CNTN5: variants seen among roughly 807,000 people sequenced by gnomAD.
CNTN5 encodes the protein contactin-5.
Under a neutral mutation model 129.1 loss-of-function variants are expected in CNTN5, and 77 were observed. The observed-to-expected ratio is 0.60, with a 90% CI of 0.50 to 0.72. The LOEUF is 0.72. Among genes scored for constraint, CNTN5 ranks in the 30% least tolerant of loss-of-function variants. The pLI, the probability that CNTN5 is intolerant of heterozygous loss-of-function variation, is 0.00. For synonymous variants in CNTN5, 509 were observed against 465.6 expected (o/e 1.09, Z -1.20); for missense variants, 1,478 against 1,328.8 (o/e 1.11, Z -1.75).
At chr11:99,394,471 T>C (rs1189344597) in intron 2 of CNTN5, among the ~76,000 whole-genome samples, 1 of 151,592 alleles carries the variant, frequency 6.6e-6, no homozygotes, top group Non-Finnish European at 1.5e-5. Flanking sequence ...TCAACTTATA[T>C]GCTAGCTTTT....
chr11:99,181,471 G>A (rs1027750405), intron 1 of CNTN5, among the ~76,000 whole-genome samples: 2 of 152,158 alleles, frequency 1.3e-5, no homozygotes, highest in Non-Finnish European at 2.9e-5. Flanking sequence ...TAGCAGGGAT[G>A]ATTCTCCAAG....
At chr11:99,570,955 C>A (rs1217538799) in intron 3 of CNTN5, among the ~76,000 whole-genome samples, 4 of 151,942 alleles carry the variant, frequency 2.6e-5, no homozygotes, top group African/African-American at 9.7e-5. Flanking sequence ...TCAAAACCCT[C>A]AAAAGGAAAC....
chr11:99,407,204 C>G (rs910861886), intron 2 of CNTN5, among the ~76,000 whole-genome samples: 3 of 150,206 alleles, frequency 2.0e-5, no homozygotes, highest in Non-Finnish European at 4.4e-5. Context: ...ATGAAAAGCC[C>G]TAAACATAGT....
intron 1 of CNTN5, among the ~76,000 whole-genome samples, chr11:99,044,103 A>G (rs941297918): frequency 5.3e-5 from 8 of 152,192 alleles, no homozygotes; most frequent in Admixed American, 4.6e-4. Flanking sequence ...AAGAACATGA[A>G]GTAACAATCA....
intron 6 of CNTN5, among the ~76,000 whole-genome samples, chr11:99,859,220 A>G (rs1202506834): frequency 2.0e-5 from 3 of 152,234 alleles, no homozygotes; most frequent in Non-Finnish European, 4.4e-5. Context: ...TTGAGATCAG[A>G]CTATTGAACT....
intron 1 of CNTN5, among the ~76,000 whole-genome samples, chr11:99,086,855 A>G (rs1206508360): frequency 6.6e-6 from 1 of 152,140 alleles, no homozygotes; most frequent in Non-Finnish European, 1.5e-5. Flanking sequence ...GGCTCTATAA[A>G]ATGTTTACCA....
chr11:99,177,464 G>A (rs1483240080), intron 1 of CNTN5, among the ~76,000 whole-genome samples: 11 of 152,208 alleles, frequency 7.2e-5, no homozygotes, highest in Admixed American at 2.0e-4. Context: ...ATCTGAAGCA[G>A]ATAAGGTGGA....
chr11:99,575,168 A>G (rs1037895682), intron 3 of CNTN5, among the ~76,000 whole-genome samples: 3 of 152,166 alleles, frequency 2.0e-5, no homozygotes, highest in East Asian at 3.9e-4. Context: ...AAGTATCTCA[A>G]TTTTTGAAGA....
At chr11:99,415,011 A>G (rs1193097071) in intron 2 of CNTN5, among the ~76,000 whole-genome samples, 1 of 152,116 alleles carries the variant, frequency 6.6e-6, no homozygotes, top group East Asian at 1.9e-4. Flanking sequence ...CAATATTGTA[A>G]TTCTTGAAGT....
intron 16 of CNTN5, among the ~76,000 whole-genome samples, chr11:100,235,112 A>G (rs1318880745): frequency 6.6e-6 from 1 of 152,234 alleles, no homozygotes; most frequent in Non-Finnish European, 1.5e-5. Flanking sequence ...TAAACTCACA[A>G]ATATTAAGCA....
chr11:100,066,112 G>A (rs748926901), intron 10 of CNTN5, among the ~76,000 whole-genome samples: 10 of 152,006 alleles, frequency 6.6e-5, no homozygotes, highest in African/African-American at 1.7e-4. Flanking sequence ...ATGGATTGGG[G>A]GGAAAGTAAC....
At chr11:100,335,682 C>T (rs1420825728) in intron 21 of CNTN5, among the ~76,000 whole-genome samples, 3 of 151,892 alleles carry the variant, frequency 2.0e-5, no homozygotes, top group African/African-American at 4.8e-5. Context: ...GCAGGAGAAT[C>T]GCTTGAACCC....
chr11:99,749,118 G>T lies in CNTN5; in HGVS notation c.56-70426G>T, dbSNP rs569041956. Among the ~76,000 whole-genome samples, 77 of 149,934 alleles carry T rather than the reference G, an allele frequency of 5.1e-4. 1 individual carries two copies. Among genetic ancestry groups the T allele is most frequent in the Admixed American group, 1.6e-3 (24 of 14,882 alleles). On this transcript the variant is annotated intron_variant, in intron 3 of 24. Transcript: ENST00000524871. ...CAGAAAACTACAGATTATCCACATGGGTGGCTGAGATAGTGATACTTTGGC... is the reference window on the plus strand; with the variant it reads ...CAGAAAACTACAGATTATCCACATGTGTGGCTGAGATAGTGATACTTTGGC...
At position 99,625,830 on chromosome 11, in the gene CNTN5, G is replaced by A. The variant is rs138609425; in HGVS notation, c.55+69561G>A. ...TACTTTTTAGATATTTCACGATGAC[G>A]TAAGAAGTAGAAAGATGAGTGAAAT... On this transcript the variant is annotated intron_variant, in intron 3 of 24. Coordinates refer to ENST00000524871, the MANE Select transcript of CNTN5 (RefSeq NM_014361.4). Among the ~76,000 whole-genome samples, 439 of 151,692 alleles carry A rather than the reference G, an allele frequency of 2.9e-3. 3 individuals carry two copies. Among genetic ancestry groups the A allele is most frequent in the African/African-American group, 9.8e-3 (407 of 41,384 alleles).
At chr11:99,943,783 AAC>A (rs1950495733) in intron 7 of CNTN5, among the ~76,000 whole-genome samples, 1 of 152,140 alleles carries the variant, frequency 6.6e-6, no homozygotes, top group Non-Finnish European at 1.5e-5. Flanking sequence ...TCATCTATTA[AAC>A]AGGGAATCCT....
At chr11:99,916,763 A>G (rs547881976) in intron 7 of CNTN5, among the ~76,000 whole-genome samples, 1 of 152,174 alleles carries the variant, frequency 6.6e-6, no homozygotes, top group African/African-American at 2.4e-5. Context: ...AATTATATCT[A>G]TTTTGTTTGA....
chr11:99,297,123 T>G (rs1461307463), intron 1 of CNTN5, among the ~76,000 whole-genome samples: 2 of 152,188 alleles, frequency 1.3e-5, no homozygotes, highest in Non-Finnish European at 2.9e-5. Context: ...GAGCTAACTA[T>G]GACATAAACC....
At chr11:100,088,950 C>T (rs1401093285) in intron 13 of CNTN5, among the ~76,000 whole-genome samples, 4 of 151,950 alleles carry the variant, frequency 2.6e-5, no homozygotes, top group Non-Finnish European at 4.4e-5. Flanking sequence ...AGCTACAGGC[C>T]AATATCCCCA....
intron 9 of CNTN5, among the ~76,000 whole-genome samples, chr11:100,056,200 C>A (rs1318648131): frequency 6.6e-6 from 1 of 151,438 alleles, no homozygotes; most frequent in East Asian, 1.9e-4. Flanking sequence ...TATTTTTACT[C>A]CAAGTTTTAT....
Sources: gnomAD v4.1 joint callset for allele counts (sites outside exome capture counted in the v4.1 genomes callset) on GRCh38, gnomAD v4.1.1 for gene constraint, MANE v1.5 for transcripts, NCBI Gene and HGNC (gene_info 2026-07-23, HGNC 2026-07-21) for gene names.